The following HMCN2 variants were observed in gnomAD, a reference collection of about 807,000 sequenced individuals.
HMCN2 encodes the protein hemicentin 2.
A neutral mutation model predicts 377.5 loss-of-function variants in HMCN2; 325 were observed. The observed-to-expected ratio is 0.86, with a 90% CI of 0.79 to 0.94. The LOEUF (loss-of-function observed/expected upper bound fraction) is 0.94, where lower values mean the gene tolerates loss of function less well. Ranked by LOEUF, HMCN2 falls within the 40% of genes least tolerant of loss-of-function variation. The pLI is 0.00. For missense variants in HMCN2, 4,543 were observed against 4,725.3 expected (o/e 0.96, Z 1.13); for synonymous variants, 2,007 against 2,046.8 (o/e 0.98, Z 0.53).
intron 1 of HMCN2, among the ~76,000 whole-genome samples, chr9:130,271,760 A>G (rs1194342845): frequency 1.3e-5 from 2 of 148,896 alleles, no homozygotes; most frequent in Non-Finnish European, 3.0e-5. Flanking sequence ...GTTTGTTGGT[A>G]CTGAGGTGCT....
chr9:130,355,027 A>G lies in HMCN2; in HGVS notation c.5129A>G (p.Tyr1710Cys). The G allele has an allele frequency of 3.1e-6, 4 of 1,285,274 alleles. No homozygotes were observed. Among genetic ancestry groups the G allele is most frequent in the Non-Finnish European group, 3.0e-6 (3 of 985,100 alleles). 79.6% of individuals were successfully genotyped at this position (1,285,274 alleles called of 1,614,324 possible). Reference sequence around the variant, plus strand: ...CCTGCCGGGGAAGCCGTCCTGCAGTACTCCGTGGAGGTTCAGGGTGAGCCC... The same window carrying G: ...CCTGCCGGGGAAGCCGTCCTGCAGTGCTCCGTGGAGGTTCAGGGTGAGCCC... ...SSPAGEAVLQYSVEVQVPPQL... is the reference protein window; with the variant it reads ...SSPAGEAVLQCSVEVQVPPQL... Residue 1710 changes from tyrosine to cysteine, a missense_variant, in exon 32 of 98, where the codon TAC (tyrosine) becomes TGC (cysteine). By Grantham distance (194) the Tyr-to-Cys change is radical. This residue lies in a region of HMCN2 where 1,032 missense variants were observed against 1,285.1 expected (regional missense o/e 0.80). Transcript: ENST00000683500.
chr9:130,409,417 G>A (rs1163917388), intron 84 of HMCN2, among the ~76,000 whole-genome samples: 1 of 152,176 alleles, frequency 6.6e-6, no homozygotes, highest in East Asian at 1.9e-4. Context: ...GGGCCCTGGG[G>A]CAGCCCCTCT....
Position 130,327,157 on chromosome 9 carries a change from C to G in HMCN2, c.3194-153C>G, listed in dbSNP as rs945478851. ...TCCCACCTCCAATCTGGACTCCCCC[C>G]CTTCTGACAGCCATATCCACCTTCT... On this transcript the variant is annotated intron_variant, in intron 21 of 97. Coordinates refer to ENST00000683500, the MANE Select transcript of HMCN2 (RefSeq NM_001291815.2). Among the ~76,000 whole-genome samples the G allele has an allele frequency of 2.9e-3, 435 of 152,210 alleles. 2 individuals carry two copies. Among genetic ancestry groups the G allele is most frequent in the South Asian group, 7.9e-3 (38 of 4,818 alleles).
In HMCN2 at chr9:130,399,651, G is replaced by A. The variant is rs1170341029; in HGVS notation, c.11605+19G>A. 2 of 1,278,836 alleles carry A rather than the reference G, an allele frequency of 1.6e-6. No individual in the cohort carries two copies. The highest frequency in any genetic ancestry group is 1.2e-5 in the South Asian group (1 of 80,488). 79.2% of individuals were successfully genotyped at this position (1,278,836 alleles called of 1,614,324 possible). ...GTCCATGGTGAGTCGGGGCAGAGGT[G>A]GAGGGGGACACCTGGGGTGGGGGCA... On this transcript the variant is annotated intron_variant, in intron 76 of 97. Coordinates refer to ENST00000683500, the MANE Select transcript of HMCN2 (RefSeq NM_001291815.2).
chr9:130,400,509 A>G (rs184106776), intron 76 of HMCN2: 221 of 205,984 alleles, frequency 1.1e-3, no homozygotes, highest in African/African-American at 3.3e-3. Context: ...CAGTAGGATC[A>G]CACTTGTGAT....
At chr9:130,339,727 G>C (rs971323256) in intron 23 of HMCN2, among the ~76,000 whole-genome samples, 1 of 152,226 alleles carries the variant, frequency 6.6e-6, no homozygotes, top group African/African-American at 2.4e-5. Context: ...TTGACAGATG[G>C]GCGGGGCATC....
At chr9:130,305,934 A>G (rs1315469823) in intron 11 of HMCN2, among the ~76,000 whole-genome samples, 195 bp from the exon 12 acceptor site, 1 of 152,070 alleles carries the variant, frequency 6.6e-6, no homozygotes, top group Non-Finnish European at 1.5e-5. Context: ...TTGCCTGGGG[A>G]TGTGCTCAGG....
intron 43 of HMCN2, among the ~76,000 whole-genome samples, chr9:130,367,919 G>C (rs1042561543): frequency 4.5e-5 from 6 of 134,146 alleles, no homozygotes; most frequent in Non-Finnish European, 7.8e-5. Context: ...TCCAGCCTGG[G>C]CAACAGAGAG....
At position 130,422,496 on chromosome 9, in the gene HMCN2, A is replaced by G; in HGVS notation, c.13232-81A>G. ...CCGAGCCTCCATTTACTCCTTCACG[A>G]AATGGGAATGACAGCCTGCTTGTGC... On this transcript the variant is annotated intron_variant, in intron 86 of 97. Transcript: ENST00000683500. This position sits in a 1 kb window ranked among gnomAD's most constrained non-coding sequence, Gnocchi z 4.2. The G allele has an allele frequency of 8.7e-7, 1 of 1,148,794 alleles. No homozygotes were observed. The highest frequency in any genetic ancestry group is 2.2e-4 in the Middle Eastern group (1 of 4,650). The allele number at this position is 1,148,794 out of a possible 1,614,324, so 71.2% of individuals were successfully genotyped here. A position where few individuals can be genotyped will look rare whatever the true frequency, so the allele number is the denominator to read the frequency against.
At chr9:130,281,562 C>T (rs1471831542) in intron 1 of HMCN2, among the ~76,000 whole-genome samples, 3 of 151,008 alleles carry the variant, frequency 2.0e-5, no homozygotes, top group African/African-American at 4.9e-5. Context: ...CGCGCCACTG[C>T]ACTCCAGCCT....
intron 22 of HMCN2, among the ~76,000 whole-genome samples, chr9:130,333,036 G>A (rs1838510438): frequency 6.6e-6 from 1 of 152,220 alleles, no homozygotes; most frequent in Non-Finnish European, 1.5e-5. Context: ...GGGGGAGGGA[G>A]GGAGAGCAGG....
intron 78 of HMCN2, 135 bp from the exon 79 acceptor site, chr9:130,403,059 C>A: frequency 9.4e-7 from 1 of 1,060,808 alleles, no homozygotes; most frequent in Non-Finnish European, 1.2e-6. Flanking sequence ...CCATGGCGTC[C>A]TTGTTGCTGT....
At chr9:130,384,823 T>C (rs879919451) in intron 59 of HMCN2, 25 bp downstream of exon 59, 1 of 1,270,912 alleles carries the variant, frequency 7.9e-7, no homozygotes, top group Non-Finnish European at 1.0e-6. Flanking sequence ...GTCCCCAACT[T>C]GTACTGTCCC....
At chr9:130,298,092 T>C (rs1315347392) in intron 7 of HMCN2, among the ~76,000 whole-genome samples, 1 of 152,146 alleles carries the variant, frequency 6.6e-6, no homozygotes, top group African/African-American at 2.4e-5. Context: ...GCAGCTGGGA[T>C]TATAGGTGCG....
intron 59 of HMCN2, among the ~76,000 whole-genome samples, chr9:130,385,312 G>A (rs1000291499): frequency 3.9e-5 from 6 of 152,224 alleles, no homozygotes; most frequent in African/African-American, 1.4e-4. Context: ...GGGTGGGGGC[G>A]GGCGACAGCA....
At position 130,309,932 on chromosome 9, in the gene HMCN2, GC is replaced by G. The variant is rs781956189; in HGVS notation, c.2225del (p.Pro742LeufsTer47). 37 of 517,318 alleles carry G rather than the reference GC, an allele frequency of 7.2e-5. No homozygotes were observed. The highest frequency in any genetic ancestry group is 6.6e-4 in the African/African-American group (34 of 51,730). 32.0% of individuals were successfully genotyped at this position (517,318 alleles called of 1,614,324 possible). On this transcript the variant is annotated frameshift_variant, in exon 15 of 98. Coordinates refer to ENST00000683500, the MANE Select transcript of HMCN2 (RefSeq NM_001291815.2). LOFTEE classifies it high-confidence loss of function. ...WYRGGLEMILAPEGSSSGKLR... is the reference protein window; with the variant it reads ...WYRGGLEMILXPEGSSSGKLR... The stretch of plus-strand genomic sequence containing the variant: ...TCCAGGGGGTCTTGAAATGATCCTG[GC>G]CCCTGAGGGCTCCAGCTCTGGGAAG...
At chr9:130,275,731 T>A (rs1415546480) in intron 1 of HMCN2, among the ~76,000 whole-genome samples, 3 of 152,100 alleles carry the variant, frequency 2.0e-5, no homozygotes, top group Non-Finnish European at 2.9e-5. Flanking sequence ...ATTACAGGCG[T>A]GAGCCACCAC....
At chr9:130,430,754 A>G (rs931229943) in intron 95 of HMCN2, 150 bp downstream of exon 95, 31 of 698,256 alleles carry the variant, frequency 4.4e-5, no homozygotes, top group Non-Finnish European at 7.1e-5. Context: ...GGCTTCTCCA[A>G]TGCAGGGTGT....
At position 130,427,568 on chromosome 9, in the gene HMCN2, T is replaced by A. The variant is rs1844453646; in HGVS notation, c.14014T>A (p.Cys4672Ser). Residue 4672 changes from cysteine to serine, a missense_variant, in exon 92 of 98, where the codon TGC (cysteine) becomes AGC (serine). Physicochemically the swap from Cys to Ser is moderately radical, Grantham distance 112 (BLOSUM62 -1). Coordinates refer to ENST00000683500, the MANE Select transcript of HMCN2 (RefSeq NM_001291815.2). The part of the protein sequence containing the change: ...ACLNAPGRFS[C>S]TCPTGFALAW... ...CCTTAATGCACCCGGCCGCTTCTCC[T>A]GCACCTGCCCCACTGGCTTCGCCCT... 1.3e-6 allele frequency: 2 copies of A among 1,550,390 alleles called. No individual in the cohort carries two copies. Among genetic ancestry groups the A allele is most frequent in the Admixed American group, 2.0e-5 (1 of 50,982 alleles).
Sources: allele counts gnomAD v4.1 joint callset (sites outside exome capture counted in the v4.1 genomes callset), GRCh38; gene constraint gnomAD v4.1.1; regional missense constraint gnomAD v4.1.1; non-coding constraint Gnocchi (gnomAD v3.1); transcripts MANE v1.5; gene names NCBI Gene and HGNC (gene_info 2026-07-23, HGNC 2026-07-21).